LGR5: variants seen among roughly 807,000 people sequenced by gnomAD.
LGR5 encodes leucine rich repeat containing G protein-coupled receptor 5, also known as leucine-rich repeat-containing G protein-coupled receptor 5.
In LGR5, 54 loss-of-function variants were observed where a neutral mutation model predicts 76.7. The observed-to-expected ratio is 0.70, with a 90% CI of 0.57 to 0.88. The LOEUF (loss-of-function observed/expected upper bound fraction) is 0.88. LGR5 is among the 40% of genes least tolerant of loss of function. LGR5 has a pLI of 0.00. For missense variants in LGR5, 1,078 were observed against 1,073.3 expected (o/e 1.00, Z -0.06); for synonymous variants, 406 against 421.9 (o/e 0.96, Z 0.46).
chr12:71,571,718 C>T (rs1489921350), intron 12 of LGR5, 139 bp downstream of exon 12: 3 of 622,310 alleles, frequency 4.8e-6, no homozygotes, highest in Non-Finnish European at 8.5e-6. Flanking sequence ...CAAGGTGTGA[C>T]TGTGCAGTGT....
At chr12:71,553,342 C>T (rs1241304977) in intron 5 of LGR5, 54 bp downstream of exon 5, 9 of 1,477,618 alleles carry the variant, frequency 6.1e-6, no homozygotes, top group Middle Eastern at 3.5e-4. Context: ...CACTGGAAGA[C>T]CTTGGCCTTA....
At chr12:71,451,213 T>C (rs1389077221) in intron 1 of LGR5, among the ~76,000 whole-genome samples, 1 of 152,198 alleles carries the variant, frequency 6.6e-6, no homozygotes, top group African/African-American at 2.4e-5. Flanking sequence ...TACAGCTTGA[T>C]GTTTGCCTTA....
chr12:71,470,202 G>C (rs1168825095), intron 1 of LGR5, among the ~76,000 whole-genome samples: 1 of 152,120 alleles, frequency 6.6e-6, no homozygotes, highest in East Asian at 1.9e-4. Flanking sequence ...TTTCCCTTCA[G>C]CCCTTCTGGC....
chr12:71,481,361 G>A (rs994881325), intron 1 of LGR5, among the ~76,000 whole-genome samples: 23 of 152,114 alleles, frequency 1.5e-4, no homozygotes, highest in African/African-American at 5.1e-4. Context: ...GTTTTCTGAT[G>A]TTGTGATAGT....
At chr12:71,562,659 T>C (rs565929617) in intron 8 of LGR5, among the ~76,000 whole-genome samples, 2 of 152,328 alleles carry the variant, frequency 1.3e-5, no homozygotes, top group African/African-American at 4.8e-5. Flanking sequence ...TATACAGTTC[T>C]GAGTATGAGG....
At position 71,469,420 on chromosome 12, in the gene LGR5, T is replaced by A. The variant is rs188462719; in HGVS notation, c.212+29128T>A. On this transcript the variant is annotated intron_variant, in intron 1 of 17. Transcript: ENST00000266674. ...GATCCTGGAGGCTGAGATGAGTCACTGTGTGCTGGGCGGGCCTGTCACTCC... is the reference window on the plus strand; with the variant it reads ...GATCCTGGAGGCTGAGATGAGTCACAGTGTGCTGGGCGGGCCTGTCACTCC... Among the ~76,000 whole-genome samples the A allele has an allele frequency of 1.2e-4, 19 of 152,350 alleles. 1 individual carries two copies. The highest frequency in any genetic ancestry group is 2.9e-5 in the Non-Finnish European group (2 of 68,030).
chr12:71,572,194 T>C (rs1438078663), intron 12 of LGR5, among the ~76,000 whole-genome samples: 1 of 151,490 alleles, frequency 6.6e-6, no homozygotes, highest in African/African-American at 2.4e-5. Flanking sequence ...GCAATTCTCC[T>C]GCCTCAGCCT....
intron 1 of LGR5, among the ~76,000 whole-genome samples, chr12:71,498,307 A>G (rs756518987): frequency 2.6e-5 from 4 of 151,756 alleles, no homozygotes; most frequent in African/African-American, 4.8e-5. Context: ...TAGAGGCAGT[A>G]TAGCCATTTG....
intron 4 of LGR5, among the ~76,000 whole-genome samples, chr12:71,546,835 T>C (rs1350884714): frequency 2.0e-5 from 3 of 152,178 alleles, no homozygotes; most frequent in Admixed American, 6.5e-5. Context: ...TCATTTCTTG[T>C]AGGCAGGTAG....
chr12:71,474,189 C>A (rs983056137), intron 1 of LGR5, among the ~76,000 whole-genome samples: 1 of 152,018 alleles, frequency 6.6e-6, no homozygotes, highest in South Asian at 2.1e-4. Flanking sequence ...AACTGCAGGA[C>A]TTATCAACTA....
chr12:71,471,014 C>T (rs564153332), intron 1 of LGR5, among the ~76,000 whole-genome samples: 34 of 152,312 alleles, frequency 2.2e-4, no homozygotes, highest in African/African-American at 6.3e-4. Context: ...TTTGTCTCCC[C>T]TCCCCATGAG....
chr12:71,541,398 A>G (rs1303803601), intron 4 of LGR5, among the ~76,000 whole-genome samples: 1 of 152,216 alleles, frequency 6.6e-6, no homozygotes, highest in Non-Finnish European at 1.5e-5. Flanking sequence ...TTATGGAATG[A>G]GAAGTAAAAT....
At chr12:71,442,898 A>G (rs1285957169) in intron 1 of LGR5, among the ~76,000 whole-genome samples, 7 of 152,202 alleles carry the variant, frequency 4.6e-5, no homozygotes, top group Non-Finnish European at 1.0e-4. Context: ...TTCTTATTTG[A>G]AGGAATAACT....
chr12:71,543,320 G>C (rs1467345587), intron 4 of LGR5, among the ~76,000 whole-genome samples: 1 of 152,158 alleles, frequency 6.6e-6, no homozygotes, highest in Non-Finnish European at 1.5e-5. Flanking sequence ...AGAGATTTTA[G>C]AGTTGATCTA....
chr12:71,480,154 AG>A (rs1224036665), intron 1 of LGR5, among the ~76,000 whole-genome samples: 1 of 152,062 alleles, frequency 6.6e-6, no homozygotes, highest in Non-Finnish European at 1.5e-5. Flanking sequence ...ACTTGAGGTC[AG>A]GAGTTCGAGA....
chr12:71,516,663 A>G (rs952739273), intron 2 of LGR5, among the ~76,000 whole-genome samples: 8 of 152,226 alleles, frequency 5.3e-5, no homozygotes, highest in Non-Finnish European at 1.0e-4. Context: ...TAAAGATTCA[A>G]ATTACTTTAA....
At chr12:71,536,844 G>C (rs2137371158) in intron 4 of LGR5, among the ~76,000 whole-genome samples, 1 of 152,328 alleles carries the variant, frequency 6.6e-6, no homozygotes, top group South Asian at 2.1e-4. Flanking sequence ...TTACAGTCTA[G>C]ATATTCACTG....
chr12:71,461,394 A>T (rs557345782), intron 1 of LGR5, among the ~76,000 whole-genome samples: 11 of 152,296 alleles, frequency 7.2e-5, no homozygotes, highest in Non-Finnish European at 1.2e-4. Context: ...GTATCATTCC[A>T]TACTGTATTA....
intron 1 of LGR5, among the ~76,000 whole-genome samples, chr12:71,447,318 C>A (rs1053721821): frequency 6.6e-6 from 1 of 152,122 alleles, no homozygotes; most frequent in African/African-American, 2.4e-5. Context: ...TAATGAAAAA[C>A]CTTTTCTGAA....
Sources: allele counts gnomAD v4.1 joint callset (sites outside exome capture counted in the v4.1 genomes callset), GRCh38; gene constraint gnomAD v4.1.1; transcripts MANE v1.5; gene names NCBI Gene and HGNC (gene_info 2026-07-23, HGNC 2026-07-21).